Variants in C12orf42 observed in about 807,000 individuals in gnomAD.
The protein encoded by C12orf42 is uncharacterized protein C12orf42.
C12orf42 carries 25 observed loss-of-function variants against 21.6 expected under a neutral mutation model. The observed-to-expected ratio is 1.16, with a 90% CI of 0.84 to 1.62. C12orf42 has a LOEUF of 1.62. C12orf42 is among the 40% of genes most tolerant of loss of function. The pLI is 0.00. For synonymous variants in C12orf42, 174 were observed against 175.0 expected, an observed-to-expected ratio of 0.99 and a Z score of 0.05; for missense variants, 483 against 459.3, an observed-to-expected ratio of 1.05 and a Z score of -0.47.
the C12orf42 span, chr12:103,550,408 A>G: frequency 8.5e-5 from 13 of 152,080 alleles, no homozygotes; most frequent in Non-Finnish European, 1.5e-4. Flanking sequence ...TACTGTTTAT[A>G]TATTTCATTA....
downstream of C12orf42, chr12:103,267,623 C>G (rs552587005): frequency 1.3e-5 from 2 of 152,246 alleles, no homozygotes; most frequent in East Asian, 3.9e-4. Context: ...CACTTCATAT[C>G]AGTATCTTAC....
the C12orf42 span, among the ~76,000 whole-genome samples, chr12:103,133,522 C>T: frequency 6.6e-6 from 1 of 152,088 alleles, no homozygotes; most frequent in Non-Finnish European, 1.5e-5. Flanking sequence ...CTGTCTCTAG[C>T]AAAACTTCAC....
chr12:103,472,096 C>T (rs1454255380), intron 2 of C12orf42: 1 of 137,958 alleles, frequency 7.2e-6, no homozygotes. Flanking sequence ...GCTCTGTCGC[C>T]CAGGCTGGAG....
intron 2 of C12orf42, among the ~76,000 whole-genome samples, chr12:103,433,994 C>T (rs1033205784): frequency 1.3e-5 from 2 of 152,198 alleles, no homozygotes; most frequent in African/African-American, 2.4e-5. Context: ...AGTTTTAAAA[C>T]TAACTTGGTT....
At chr12:103,548,576 T>C in the C12orf42 span, 3 of 152,228 alleles carry the variant, frequency 2.0e-5, no homozygotes, top group African/African-American at 4.8e-5. Flanking sequence ...AGAATAAGTA[T>C]ATATTTTGCT....
intron 4 of C12orf42, among the ~76,000 whole-genome samples, 179 bp downstream of exon 4, chr12:103,368,708 C>T (rs1341383583): frequency 6.6e-6 from 1 of 152,048 alleles, no homozygotes; most frequent in Non-Finnish European, 1.5e-5. Flanking sequence ...TCCAGCCATG[C>T]CCTAAGCCAG....
At chr12:103,166,080 G>A in the C12orf42 span, among the ~76,000 whole-genome samples, 3 of 151,178 alleles carry the variant, frequency 2.0e-5, no homozygotes, top group East Asian at 1.9e-4. Flanking sequence ...AGAGAGAGAA[G>A]GAAGGAAGGA....
chr12:103,057,301 T>A, the C12orf42 span, among the ~76,000 whole-genome samples: 1 of 151,882 alleles, frequency 6.6e-6, no homozygotes, highest in African/African-American at 2.4e-5. Context: ...ATCATCTAGG[T>A]TTTAAGCCCC....
downstream of C12orf42, among the ~76,000 whole-genome samples, chr12:103,234,749 A>G (rs546644737): frequency 1.1e-4 from 16 of 152,216 alleles, no homozygotes; most frequent in South Asian, 6.2e-4. Flanking sequence ...ACATATTAAA[A>G]CCCACCAGGT....
the C12orf42 span, among the ~76,000 whole-genome samples, chr12:103,223,295 AG>A: frequency 6.6e-6 from 1 of 152,028 alleles, no homozygotes; most frequent in African/African-American, 2.4e-5. Context: ...ATTAAGCTGA[AG>A]GGAGGTCTTG....
At chr12:103,524,965 G>C in the C12orf42 span, among the ~76,000 whole-genome samples, 9 of 151,084 alleles carry the variant, frequency 6.0e-5, no homozygotes, top group African/African-American at 1.7e-4. Context: ...GTTTTTTTGG[G>C]GGGGGGGCAG....
chr12:103,460,642 G>A (rs1441762980), intron 2 of C12orf42, among the ~76,000 whole-genome samples: 1 of 152,100 alleles, frequency 6.6e-6, no homozygotes, highest in Non-Finnish European at 1.5e-5. Context: ...GCTGCTTGAG[G>A]GCTCAGCTTT....
At chr12:103,313,983 T>C (rs192783518) in intron 4 of C12orf42, among the ~76,000 whole-genome samples, 2 of 152,208 alleles carry the variant, frequency 1.3e-5, no homozygotes. Context: ...TAAATAGTAG[T>C]GAGTGATATT....
In C12orf42 at chr12:103,386,881, C is replaced by T. The variant is rs143116661; in HGVS notation, c.147+14726G>A. ...CCAATCTCTTGGGAAAAATCCCTAA[C>T]CGCTAGCTCTTCCTCCACCTCCAAG... On this transcript the variant is annotated intron_variant, in intron 3 of 5. Transcript: ENST00000548883. 9.7e-3 allele frequency among the ~76,000 whole-genome samples: 1,477 copies of T among 152,234 alleles called. 10 individuals carry two copies. Among genetic ancestry groups the T allele is most frequent in the Non-Finnish European group, 0.014 (945 of 68,002 alleles).
At chr12:103,138,360 C>T in the C12orf42 span, among the ~76,000 whole-genome samples, 11 of 152,246 alleles carry the variant, frequency 7.2e-5, no homozygotes, top group Non-Finnish European at 1.5e-4. Flanking sequence ...TGAGTGAGTT[C>T]TCACAAGATC....
chr12:103,532,323 A>G, the C12orf42 span, among the ~76,000 whole-genome samples: 3 of 152,346 alleles, frequency 2.0e-5, no homozygotes, highest in East Asian at 5.8e-4. Context: ...TTTATAACAT[A>G]CAAAGTAGAA....
intron 3 of C12orf42, among the ~76,000 whole-genome samples, chr12:103,399,498 CAA>C (rs142785857): frequency 1.1e-4 from 9 of 81,618 alleles, no homozygotes; most frequent in Admixed American, 4.9e-4. Flanking sequence ...CCAGCAAACT[CAA>C]AAAAAAAAAA....
At chr12:103,132,710 AG>A in the C12orf42 span, among the ~76,000 whole-genome samples, 1 of 152,176 alleles carries the variant, frequency 6.6e-6, no homozygotes, top group Admixed American at 6.5e-5. Flanking sequence ...ATGAACCATT[AG>A]TAAAGATTTC....
At chr12:103,165,281 A>C in the C12orf42 span, among the ~76,000 whole-genome samples, 3 of 152,252 alleles carry the variant, frequency 2.0e-5, no homozygotes, top group Non-Finnish European at 2.9e-5. Flanking sequence ...CAAAGTGGGA[A>C]ACCGGGCAGG....
Sources: allele counts gnomAD v4.1 joint callset (sites outside exome capture counted in the v4.1 genomes callset), GRCh38; gene constraint gnomAD v4.1.1; transcripts MANE v1.5; gene names NCBI Gene and HGNC (gene_info 2026-07-23, HGNC 2026-07-21).